HSPA5: variants seen among roughly 807,000 people sequenced by gnomAD.
The protein encoded by HSPA5 is endoplasmic reticulum chaperone BiP.
Under a neutral mutation model 49.5 loss-of-function variants are expected in HSPA5, and 16 were observed. The ratio of observed to expected loss-of-function variants is 0.32; its 90% CI spans 0.22 to 0.49. HSPA5 has a LOEUF of 0.49. HSPA5 is among the 20% of genes least tolerant of loss of function. HSPA5 has a pLI of 0.99. For synonymous variants in HSPA5, 271 were observed against 307.2 expected (o/e 0.88, Z 1.23); for missense variants, 376 against 819.0 (o/e 0.46, Z 6.60).
At position 125,239,366 on chromosome 9, in the gene HSPA5, A is replaced by G; in HGVS notation, c.606-35T>C. On this transcript the variant is annotated intron_variant, in intron 4 of 7. Coordinates refer to ENST00000324460, the MANE Select transcript of HSPA5 (RefSeq NM_005347.5). This position sits in a 1 kb window ranked among gnomAD's most constrained non-coding sequence, Gnocchi z 5.5. ...TGAAAAAGGGAAAAGTTTTGTCAGTACTTCACATTTCCACTATTTGGCAAA... is the reference window on the plus strand; with the variant it reads ...TGAAAAAGGGAAAAGTTTTGTCAGTGCTTCACATTTCCACTATTTGGCAAA... 3 of 1,613,494 alleles carry G rather than the reference A, an allele frequency of 1.9e-6. No homozygotes were observed. The highest frequency in any genetic ancestry group is 2.5e-6 in the Non-Finnish European group (3 of 1,179,444).
At position 125,240,604 on chromosome 9, in the gene HSPA5, CAG is replaced by C; in HGVS notation, c.354+70_354+71del. ...TTCAACTGTTGTCTCAACACTTTTC[CAG>C]AGACTTATAACTCTAAATACTCCCA... On this transcript the variant is annotated intron_variant, in intron 2 of 7. Transcript: ENST00000324460. The surrounding 1 kb of genome is among the most constrained non-coding windows in gnomAD (Gnocchi z 4.4). 1.6e-6 allele frequency: 2 copies of C among 1,276,306 alleles called. No homozygotes were observed. Among genetic ancestry groups the C allele is most frequent in the South Asian group, 2.5e-5 (2 of 79,898 alleles). The allele number at this position is 1,276,306 out of a possible 1,614,324, so 79.1% of individuals were successfully genotyped here. A position where few individuals can be genotyped will look rare whatever the true frequency, so the allele number is the denominator to read the frequency against.
At position 125,239,119 on chromosome 9, in the gene HSPA5, T is replaced by C. The variant is rs1832532500; in HGVS notation, c.818A>G (p.Lys273Arg). Residue 273 changes from lysine to arginine, a missense_variant, in exon 5 of 8, where the codon AAG (lysine) becomes AGG (arginine). Lys to Arg is a conservative substitution (Grantham distance 26). This residue lies in a region of HSPA5 where 89 missense variants were observed against 155.9 expected (regional missense o/e 0.57). Transcript: ENST00000324460. This position sits in a 1 kb window ranked among gnomAD's most constrained non-coding sequence, Gnocchi z 5.5. ...MEHFIKLYKK[K>R]TGKDVRKDNR... ...GTCTTTCCTGACATCTTTGCCCGTC[T>C]TCTTTTTGTACAGTTTGATGAAGTG... 6.2e-7 allele frequency: 1 copy of C among 1,614,072 alleles called. No individual in the cohort carries two copies. The highest frequency in any genetic ancestry group is 1.7e-5 in the Admixed American group (1 of 59,992).
chr9:125,238,841 A>G lies in HSPA5; in HGVS notation c.997-14T>C, dbSNP rs773236710. 9.9e-6 allele frequency: 16 copies of G among 1,612,422 alleles called. No individual in the cohort carries two copies. The highest frequency in any genetic ancestry group is 1.2e-5 in the Non-Finnish European group (14 of 1,178,680). ...CCGGAACAGATCCTAGAAAAAAGAC[A>G]TGGTTACTGTGATGTCTGTTATCTA... On this transcript the variant is annotated splice_polypyrimidine_tract_variant and intron_variant, in intron 5 of 7. Transcript: ENST00000324460.
rs1311365430 is a variant in HSPA5, at chr9:125,240,502, C to T, written c.354+174G>A. 6.6e-6 allele frequency among the ~76,000 whole-genome samples: 1 copy of T among 152,188 alleles called. No homozygotes were observed. Among genetic ancestry groups the T allele is most frequent in the African/African-American group, 2.4e-5 (1 of 41,434 alleles). ...TCTTTTATTCCTAAACTATCGTAGACAGTACGACAGCAACTGTCTTAAGTT... is the reference window on the plus strand; with the variant it reads ...TCTTTTATTCCTAAACTATCGTAGATAGTACGACAGCAACTGTCTTAAGTT... On this transcript the variant is annotated intron_variant, in intron 2 of 7. Coordinates refer to ENST00000324460, the MANE Select transcript of HSPA5 (RefSeq NM_005347.5). The surrounding 1 kb of genome is among the most constrained non-coding windows in gnomAD (Gnocchi z 4.4).
In HSPA5 at chr9:125,238,588, A is replaced by G. The variant is rs1161896727; in HGVS notation, c.1234+2T>C. The stretch of plus-strand genomic sequence containing the variant: ...AAGAAAGATGCTGCGATGATGACCT[A>G]CCTGTATCTTGATCACCAGAGAGCA... On this transcript the variant is annotated splice_donor_variant, in intron 6 of 7. Coordinates refer to ENST00000324460, the MANE Select transcript of HSPA5 (RefSeq NM_005347.5). LOFTEE classifies it high-confidence loss of function. The G allele has an allele frequency of 2.5e-6, 4 of 1,605,904 alleles. No individual in the cohort carries two copies. Among genetic ancestry groups the G allele is most frequent in the Non-Finnish European group, 3.4e-6 (4 of 1,172,904 alleles).
Position 125,239,372 on chromosome 9 carries a change from C to CAGT in HSPA5, c.606-42_606-41insACT, listed in dbSNP as rs1019501387. The CAGT allele has an allele frequency of 6.2e-7, 1 of 1,613,534 alleles. No individual in the cohort carries two copies. Among genetic ancestry groups the CAGT allele is most frequent in the African/African-American group, 1.3e-5 (1 of 74,932 alleles). ...AGGGAAAAGTTTTGTCAGTACTTCA[C>CAGT]ATTTCCACTATTTGGCAAATATGCC... On this transcript the variant is annotated intron_variant, in intron 4 of 7. Coordinates refer to ENST00000324460, the MANE Select transcript of HSPA5 (RefSeq NM_005347.5). The surrounding 1 kb of genome is among the most constrained non-coding windows in gnomAD (Gnocchi z 5.5).
chr9:125,241,233 GC>G lies in HSPA5; in HGVS notation c.-108del. ...CGGCAGGGGCCCGGGGTCACAAGGC[GC>G]CACGAACCAGGCGAAGGGCAGGTCT... On this transcript the variant is annotated 5_prime_UTR_variant, in exon 1 of 8. Transcript: ENST00000324460. 1 of 1,372,340 alleles carries G rather than the reference GC, an allele frequency of 7.3e-7. No individual in the cohort carries two copies. Among genetic ancestry groups the G allele is most frequent in the Non-Finnish European group, 9.9e-7 (1 of 1,011,940 alleles). The allele number at this position is 1,372,340 out of a possible 1,614,324, so 85.0% of individuals were successfully genotyped here. A position where few individuals can be genotyped will look rare whatever the true frequency, so the allele number is the denominator to read the frequency against.
rs375596823 is a variant in HSPA5, at chr9:125,239,559, G to C, written c.493-26C>G. ...CTAAAAGGATAAAAGATAATTAAGT[G>C]TATTGTCACATAGTTTAACCCTTAT... On this transcript the variant is annotated intron_variant, in intron 3 of 7. Transcript: ENST00000324460. The surrounding 1 kb of genome is among the most constrained non-coding windows in gnomAD (Gnocchi z 5.5). The C allele has an allele frequency of 1.3e-6, 2 of 1,535,522 alleles. No individual in the cohort carries two copies. Among genetic ancestry groups the C allele is most frequent in the Non-Finnish European group, 1.8e-6 (2 of 1,108,990 alleles).
At position 125,240,250 on chromosome 9, in the gene HSPA5, C is replaced by T; in HGVS notation, c.414G>A (p.Lys138=). ...IQVDIGGGQT[K]TFAPEEISAM... is the part of the protein sequence containing the mutation. The stretch of plus-strand genomic sequence containing the variant: ...CAGAAATTTCTTCAGGAGCAAATGT[C>T]TTTGTTTGCCCACCTCCAATATCAA... Residue 138 remains lysine (K), a synonymous_variant, in exon 3 of 8, where the codon AAG becomes AAA. Coordinates refer to ENST00000324460, the MANE Select transcript of HSPA5 (RefSeq NM_005347.5). This position sits in a 1 kb window ranked among gnomAD's most constrained non-coding sequence, Gnocchi z 4.4. The T allele has an allele frequency of 6.2e-7, 1 of 1,611,620 alleles. No individual in the cohort carries two copies. Among genetic ancestry groups the T allele is most frequent in the Non-Finnish European group, 8.5e-7 (1 of 1,178,142 alleles).
Position 125,241,266 on chromosome 9 carries a change from A to G in HSPA5, c.-140T>C. On this transcript the variant is annotated 5_prime_UTR_variant, in exon 1 of 8. Coordinates refer to ENST00000324460, the MANE Select transcript of HSPA5 (RefSeq NM_005347.5). ...CCAGGCGAAGGGCAGGTCTAGAAAT[A>G]CAGGCCGCGGCGCTTCCCTCTCACA... 1.0e-6 allele frequency: 1 copy of G among 955,270 alleles called. No individual in the cohort carries two copies. Among genetic ancestry groups the G allele is most frequent in the Non-Finnish European group, 1.5e-6 (1 of 646,034 alleles). 59.2% of individuals were successfully genotyped at this position (955,270 alleles called of 1,614,324 possible).
rs934698851 is a variant in HSPA5, at chr9:125,240,353, T to A, written c.355-44A>T. On this transcript the variant is annotated intron_variant, in intron 2 of 7. Transcript: ENST00000324460. This position sits in a 1 kb window ranked among gnomAD's most constrained non-coding sequence, Gnocchi z 4.4. Reference sequence around the variant, plus strand: ...GTTTTCAGACACAGATACAATGACATCTCAAAGTTTAAAAGACCCACTACC... The same window carrying A: ...GTTTTCAGACACAGATACAATGACAACTCAAAGTTTAAAAGACCCACTACC... The A allele has an allele frequency of 3.2e-6, 5 of 1,550,822 alleles. No individual in the cohort carries two copies. In the African/African-American group the frequency reaches 6.9e-5, roughly 21 times the overall value.
rs144934644 is a variant in HSPA5, at chr9:125,240,943, G to A, written c.123-36C>T. The A allele has an allele frequency of 7.6e-5, 122 of 1,612,368 alleles. 1 individual carries two copies. In the African/African-American group the frequency reaches 1.5e-3, roughly 20 times the overall value. On this transcript the variant is annotated intron_variant, in intron 1 of 7. Coordinates refer to ENST00000324460, the MANE Select transcript of HSPA5 (RefSeq NM_005347.5). The surrounding 1 kb of genome is among the most constrained non-coding windows in gnomAD (Gnocchi z 4.4). ...AACCCGACAGAGGGACATCAGCACC[G>A]CACTTCTCACGCCAGGCCAGGCGGC...
chr9:125,240,656 T>C lies in HSPA5; in HGVS notation c.354+20A>G, dbSNP rs1832553378. On this transcript the variant is annotated intron_variant, in intron 2 of 7. Coordinates refer to ENST00000324460, the MANE Select transcript of HSPA5 (RefSeq NM_005347.5). The surrounding 1 kb of genome is among the most constrained non-coding windows in gnomAD (Gnocchi z 4.4). ...ACCACCCACCCGTTCTCTAACTGGA[T>C]GAGAAAAACCCGGTCGAACCTTGAA... 1.3e-6 allele frequency: 2 copies of C among 1,597,154 alleles called. No individual in the cohort carries two copies. The highest frequency in any genetic ancestry group is 2.2e-5 in the East Asian group (1 of 44,600).
chr9:125,235,758 T>A lies in HSPA5; in HGVS notation c.*834A>T, dbSNP rs991141486. On this transcript the variant is annotated 3_prime_UTR_variant, in exon 8 of 8. Transcript: ENST00000324460. ...CCTAAAGTTACAAATGAAATCCAAG[T>A]GTATAAAGTTAATACCAGTGATCAC... 7 of 152,080 alleles carry A rather than the reference T, an allele frequency of 4.6e-5. No individual in the cohort carries two copies. The South Asian group carries it at 6.2e-4, about 13-fold the overall frequency. 9.4% of individuals were successfully genotyped at this position (152,080 alleles called of 1,614,324 possible).
rs947477739 is a variant in HSPA5, at chr9:125,240,611, T to A, written c.354+65A>T. ...GTTGTCTCAACACTTTTCCAGAGAC[T>A]TATAACTCTAAATACTCCCACCACC... On this transcript the variant is annotated intron_variant, in intron 2 of 7. Coordinates refer to ENST00000324460, the MANE Select transcript of HSPA5 (RefSeq NM_005347.5). This position sits in a 1 kb window ranked among gnomAD's most constrained non-coding sequence, Gnocchi z 4.4. 3.7e-6 allele frequency: 5 copies of A among 1,348,066 alleles called. No homozygotes were observed. Among genetic ancestry groups the A allele is most frequent in the Non-Finnish European group, 5.3e-6 (5 of 948,282 alleles). The allele number at this position is 1,348,066 out of a possible 1,614,324, so 83.5% of individuals were successfully genotyped here.
In HSPA5 at chr9:125,239,441, A is replaced by T; in HGVS notation, c.585T>A (p.Val195=). ...CTTACGGCTCGTTGATGATCCTCATAACATTTAGGCCAGCAATAGTTCCAG... is the reference window on the plus strand; with the variant it reads ...CTTACGGCTCGTTGATGATCCTCATTACATTTAGGCCAGCAATAGTTCCAG... ...KDAGTIAGLN[V]MRIINEPTAA... The change falls in exon 4 of 8, where the codon GTT becomes GTA. Residue 195 remains valine, a synonymous_variant. Transcript: ENST00000324460. The surrounding 1 kb of genome is among the most constrained non-coding windows in gnomAD (Gnocchi z 5.5). The T allele has an allele frequency of 1.2e-6, 2 of 1,614,218 alleles. No homozygotes were observed. Among genetic ancestry groups the T allele is most frequent in the Non-Finnish European group, 1.7e-6 (2 of 1,180,016 alleles).
chr9:125,240,167 T>C lies in HSPA5; in HGVS notation c.492+5A>G. The C allele has an allele frequency of 6.3e-7, 1 of 1,590,264 alleles. No individual in the cohort carries two copies. The highest frequency in any genetic ancestry group is 1.4e-5 in the African/African-American group (1 of 73,332). On this transcript the variant is annotated splice_donor_5th_base_variant and intron_variant, in intron 3 of 7. Coordinates refer to ENST00000324460, the MANE Select transcript of HSPA5 (RefSeq NM_005347.5). The surrounding 1 kb of genome is among the most constrained non-coding windows in gnomAD (Gnocchi z 4.4). ...AATACTTAACATTGTTCTAGAAATA[T>C]TTACCTTCTTTCCCAAATAAGCCTC... is the stretch of plus-strand genomic sequence containing the variant.
rs1228151256 is a variant in HSPA5 at position 125,236,922 on chromosome 9, A to G, written c.1635T>C (p.Ala545=). The G allele has an allele frequency of 2.5e-6, 4 of 1,613,968 alleles. No individual in the cohort carries two copies. The highest frequency in any genetic ancestry group is 1.1e-5 in the South Asian group (1 of 91,078). ...TTTTGTCTTCCTCAGCAAACTTCTC[A>G]GCATCATTAACCATCCTTTCGATTT... ...PEEIERMVND[A]EKFAEEDKKL... Residue 545 remains alanine, a synonymous_variant, in exon 8 of 8, where the codon GCT becomes GCC. Transcript: ENST00000324460.
intron 7 of HSPA5, 98 bp from the exon 8 acceptor site, chr9:125,237,252 T>A (rs1406165320): frequency 2.2e-6 from 2 of 905,414 alleles, no homozygotes; most frequent in Non-Finnish European, 3.4e-6. Context: ...GTGACACTTT[T>A]GGTTTTATCG....
Sources: gnomAD v4.1 joint callset for allele counts (sites outside exome capture counted in the v4.1 genomes callset) on GRCh38, gnomAD v4.1.1 for gene constraint, gnomAD v4.1.1 regional missense constraint, Gnocchi (gnomAD v3.1) non-coding constraint, MANE v1.5 for transcripts, NCBI Gene and HGNC (gene_info 2026-07-23, HGNC 2026-07-21) for gene names.